The following ITPR1 variants were observed in gnomAD, a reference collection of about 807,000 sequenced individuals.
The protein encoded by ITPR1 is inositol 1,4,5-trisphosphate receptor type 1.
ITPR1 carries 96 observed loss-of-function variants against 318.4 expected under a neutral mutation model. The ratio of observed to expected loss-of-function variants is 0.30; its 90% CI spans 0.26 to 0.36. The LOEUF is 0.36. Among genes scored for constraint, ITPR1 ranks in the 10% least tolerant of loss-of-function variants. The pLI is 1.00. For synonymous variants in ITPR1, 1,312 were observed against 1,289.9 expected (o/e 1.02, Z -0.37); for missense variants, 2,440 against 3,460.2 (o/e 0.71, Z 7.40).
intron 51 of ITPR1, among the ~76,000 whole-genome samples, chr3:4,784,228 T>C (rs1437611045): frequency 6.6e-6 from 1 of 152,124 alleles, no homozygotes; most frequent in Non-Finnish European, 1.5e-5. Flanking sequence ...CACAGAGGCC[T>C]AGTCTGAAGA....
At chr3:4,610,605 A>G (rs1182750395) in intron 4 of ITPR1, among the ~76,000 whole-genome samples, 1 of 152,088 alleles carries the variant, frequency 6.6e-6, no homozygotes. Context: ...GCACAGGGAA[A>G]TTTCATTTGC....
intron 4 of ITPR1, among the ~76,000 whole-genome samples, chr3:4,553,693 C>A (rs563590208): frequency 6.6e-5 from 10 of 151,914 alleles, no homozygotes; most frequent in African/African-American, 2.4e-4. Context: ...TTCTGCCTCC[C>A]AGGTTCAAGT....
chr3:4,506,781 T>C (rs942294204), intron 2 of ITPR1, among the ~76,000 whole-genome samples: 2 of 152,226 alleles, frequency 1.3e-5, no homozygotes, highest in Non-Finnish European at 2.9e-5. Flanking sequence ...CATCCTGTTA[T>C]ATAAAGTTTC....
Position 4,815,035 on chromosome 3 carries a change from G to A in ITPR1, c.7702-18G>A, listed in dbSNP as rs144297613. ...GTCGCAAGGGACCCAGACTGATCCA[G>A]ACACCTCTCTTTTCCAGGAACCCCT... On this transcript the variant is annotated intron_variant, in intron 58 of 61. Coordinates refer to ENST00000649015, the MANE Select transcript of ITPR1 (RefSeq NM_001378452.1). 73 of 1,599,136 alleles carry A rather than the reference G, an allele frequency of 4.6e-5. No individual in the cohort carries two copies. The East Asian group carries it at 1.6e-3, about 35-fold the overall frequency.
chr3:4,673,148 C>T lies in ITPR1; in HGVS notation c.2217C>T (p.Asn739=). Residue 739 remains asparagine (N), a synonymous_variant, in exon 21 of 62, where the codon AAC becomes AAT. Coordinates refer to ENST00000649015, the MANE Select transcript of ITPR1 (RefSeq NM_001378452.1). ...DVLSYYRYQL[N]LFARMCLDRQ... is the part of the protein sequence containing the mutation. ...TTCCTTCCTCTAGATATCAGCTGAA[C>T]CTCTTTGCGAGGATGTGTCTGGACC... 1 of 1,613,466 alleles carries T rather than the reference C, an allele frequency of 6.2e-7. No individual in the cohort carries two copies. The highest frequency in any genetic ancestry group is 8.5e-7 in the Non-Finnish European group (1 of 1,179,530).
intron 4 of ITPR1, among the ~76,000 whole-genome samples, chr3:4,571,046 A>C (rs1185700745): frequency 6.6e-6 from 1 of 152,174 alleles, no homozygotes; most frequent in Non-Finnish European, 1.5e-5. Context: ...CAGTTGTGGC[A>C]ATGACAGTGG....
intron 51 of ITPR1, among the ~76,000 whole-genome samples, chr3:4,785,544 A>T (rs935655580): frequency 2.8e-5 from 4 of 143,592 alleles, no homozygotes; most frequent in African/African-American, 1.0e-4. Flanking sequence ...CTGATTAGCC[A>T]ACCATGCCAG....
intron 4 of ITPR1, among the ~76,000 whole-genome samples, chr3:4,555,321 C>G (rs2086013781): frequency 6.6e-6 from 1 of 152,162 alleles, no homozygotes; most frequent in Non-Finnish European, 1.5e-5. Context: ...GGACTAGAAA[C>G]TTGGTCTTCA....
chr3:4,785,672 G>A (rs1261422564), intron 51 of ITPR1, among the ~76,000 whole-genome samples: 1 of 152,194 alleles, frequency 6.6e-6, no homozygotes, highest in Non-Finnish European at 1.5e-5. Context: ...CAGAATTTCA[G>A]AGGAGAAAAG....
rs12330450 is a variant in ITPR1, at chr3:4,644,306, C to G, written c.624+72C>G. The stretch of plus-strand genomic sequence containing the variant: ...CGGGTCTGGCAGGCGCCAGTGCATG[C>G]GTGTGCTGAGAGTGACTTCAGCAGT... On this transcript the variant is annotated intron_variant, in intron 8 of 61. Coordinates refer to ENST00000649015, the MANE Select transcript of ITPR1 (RefSeq NM_001378452.1). 877 of 1,010,934 alleles carry G rather than the reference C, an allele frequency of 8.7e-4. 5 individuals are homozygous for G. The African/African-American group carries it at 0.011, about 13-fold the overall frequency. The allele number at this position is 1,010,934 out of a possible 1,614,324, so 62.6% of individuals were successfully genotyped here. A position where few individuals can be genotyped will look rare whatever the true frequency, so the allele number is the denominator to read the frequency against.
chr3:4,753,915 A>T (rs2044742990), intron 44 of ITPR1, among the ~76,000 whole-genome samples: 1 of 152,020 alleles, frequency 6.6e-6, no homozygotes, highest in Non-Finnish European at 1.5e-5. Context: ...GGAACTGAGG[A>T]TGGAAGTTAA....
intron 7 of ITPR1, 52 bp from the exon 8 acceptor site, chr3:4,644,084 C>T (rs140002591): frequency 1.6e-6 from 2 of 1,217,548 alleles, no homozygotes; most frequent in Admixed American, 3.8e-5. Flanking sequence ...AGTGGTCAAT[C>T]CGCAGTCCTT....
chr3:4,699,795 TACCC>T lies in ITPR1; in HGVS notation c.4408-15_4408-12del, dbSNP rs1040193102. 1 of 1,613,208 alleles carries T rather than the reference TACCC, an allele frequency of 6.2e-7. No homozygotes were observed. The highest frequency in any genetic ancestry group is 1.3e-5 in the African/African-American group (1 of 74,910). On this transcript the variant is annotated splice_polypyrimidine_tract_variant and intron_variant, in intron 34 of 61. Coordinates refer to ENST00000649015, the MANE Select transcript of ITPR1 (RefSeq NM_001378452.1). ...GTAGGTTTTGGTGTAATGCTTAACA[TACCC>T]ACTTGTCTTCCAGGCCTGTAACAAC...
chr3:4,826,423 T>C lies in ITPR1; in HGVS notation c.8028+8181T>C, dbSNP rs2050080584. On this transcript the variant is annotated intron_variant, in intron 60 of 61. Coordinates refer to ENST00000649015, the MANE Select transcript of ITPR1 (RefSeq NM_001378452.1). The surrounding 1 kb of genome is among the most constrained non-coding windows in gnomAD (Gnocchi z 4.2). ...CAAATACGATTCCCAGAATGCCCCC[T>C]GAAGTTAGCTGGCACCACGGCAGAG... Among the ~76,000 whole-genome samples the C allele has an allele frequency of 6.6e-6, 1 of 152,150 alleles. No individual in the cohort carries two copies. The highest frequency in any genetic ancestry group is 1.5e-5 in the Non-Finnish European group (1 of 68,024).
intron 16 of ITPR1, 99 bp downstream of exon 16, chr3:4,663,305 G>A (rs2093877289): frequency 9.8e-6 from 11 of 1,124,440 alleles, no homozygotes; most frequent in South Asian, 1.8e-5. Flanking sequence ...GGGAAGCCGA[G>A]GTGGGAGGAT....
At chr3:4,548,211 G>C (rs2124992072) in intron 4 of ITPR1, among the ~76,000 whole-genome samples, 1 of 152,230 alleles carries the variant, frequency 6.6e-6, no homozygotes, top group East Asian at 1.9e-4. Context: ...AATTGGATTT[G>C]GTTAATTGAT....
chr3:4,790,284 G>A (rs79328261), intron 52 of ITPR1, among the ~76,000 whole-genome samples: 3,238 of 152,272 alleles, frequency 0.021, 59 homozygotes, highest in South Asian at 0.049. Flanking sequence ...TGGCTTAACT[G>A]CTCCCAGACC....
intron 2 of ITPR1, among the ~76,000 whole-genome samples, 189 bp from the exon 3 acceptor site, chr3:4,516,287 C>T (rs1475267792): frequency 3.9e-5 from 6 of 152,122 alleles, no homozygotes; most frequent in Admixed American, 6.5e-5. Context: ...AGATAATATA[C>T]GGGGAAAAAG....
chr3:4,794,058 C>T (rs1214565621), intron 52 of ITPR1, among the ~76,000 whole-genome samples: 1 of 152,168 alleles, frequency 6.6e-6, no homozygotes, highest in Non-Finnish European at 1.5e-5. Context: ...GAGATCCATT[C>T]TCACGTACTC....
Sources: allele counts gnomAD v4.1 joint callset (sites outside exome capture counted in the v4.1 genomes callset), GRCh38; gene constraint gnomAD v4.1.1; non-coding constraint Gnocchi (gnomAD v3.1); transcripts MANE v1.5; gene names NCBI Gene and HGNC (gene_info 2026-07-23, HGNC 2026-07-21).